The following GSE1 variants were observed in gnomAD, a reference collection of about 807,000 sequenced individuals.
GSE1 encodes the protein Gse1 coiled-coil protein.
GSE1 carries 32 observed loss-of-function variants against 112.6 expected under a neutral mutation model. The observed-to-expected ratio is 0.28, with a 90% CI of 0.21 to 0.38. The LOEUF (loss-of-function observed/expected upper bound fraction) is 0.38, where lower values mean the gene tolerates loss of function less well. Ranked by LOEUF, GSE1 falls within the 10% of genes least tolerant of loss-of-function variation. GSE1 has a pLI of 1.00. For missense variants in GSE1, 2,348 were observed against 1,699.2 expected (o/e 1.38, Z -6.71); for synonymous variants, 1,115 against 735.6 (o/e 1.52, Z -8.35).
chr16:85,611,522 G>A (rs1033364524), upstream of GSE1: 57 of 977,794 alleles, frequency 5.8e-5, no homozygotes, highest in Non-Finnish European at 6.6e-5. Flanking sequence ...GGGCCGGCCA[G>A]CGTCCGCAGG....
chr16:85,527,902 A>C (rs748190427), intron 2 of GSE1, among the ~76,000 whole-genome samples: 13 of 152,252 alleles, frequency 8.5e-5, no homozygotes, highest in African/African-American at 1.2e-4. Context: ...TAAAGGACGC[A>C]TAGGAGTTTG....
At chr16:85,443,824 C>T (rs1180026442) in intron 2 of GSE1, among the ~76,000 whole-genome samples, 2 of 152,094 alleles carry the variant, frequency 1.3e-5, no homozygotes, top group African/African-American at 2.4e-5. Flanking sequence ...CCCAGCCTCT[C>T]GGAGCTTCAG....
intron 1 of GSE1, among the ~76,000 whole-genome samples, chr16:85,316,076 C>G (rs767653633): frequency 6.6e-6 from 1 of 152,350 alleles, no homozygotes; most frequent in African/African-American, 2.4e-5. Flanking sequence ...GCCATCTGGC[C>G]TGACTGCTGT....
intron 2 of GSE1, among the ~76,000 whole-genome samples, chr16:85,482,993 A>C (rs6564123): frequency 0.61 from 91,351 of 150,624 alleles, 28,105 homozygotes; most frequent in African/African-American, 0.63. Context: ...AAAAAAAAAA[A>C]AAAATACCAA....
intron 1 of GSE1, among the ~76,000 whole-genome samples, chr16:85,333,322 G>A (rs1467013348): frequency 6.6e-6 from 1 of 152,154 alleles, no homozygotes; most frequent in East Asian, 1.9e-4. Flanking sequence ...CTTACTGAGA[G>A]GGCAAAATCC....
intron 2 of GSE1, among the ~76,000 whole-genome samples, chr16:85,411,013 GC>G (rs1459529510): frequency 1.6e-5 from 1 of 62,850 alleles, no homozygotes; most frequent in Non-Finnish European, 2.7e-5. Context: ...TACACTCAGA[GC>G]CCCCCTGGAT....
At chr16:85,171,043 G>C (rs914510709) in exon 1 of GSE1, 5 of 985,782 alleles carry the variant, frequency 5.1e-6, no homozygotes, top group Non-Finnish European at 6.0e-6. Context: ...CGCCAGGAGC[G>C]CCATGCATTT....
intron 1 of GSE1, among the ~76,000 whole-genome samples, chr16:85,239,975 G>C (rs1032442765): frequency 6.6e-6 from 1 of 152,262 alleles, no homozygotes; most frequent in African/African-American, 2.4e-5. Flanking sequence ...ACATTGAACT[G>C]TGTGCGCTTC....
At chr16:85,243,672 C>T (rs1460020797) in intron 1 of GSE1, among the ~76,000 whole-genome samples, 4 of 152,128 alleles carry the variant, frequency 2.6e-5, no homozygotes, top group South Asian at 2.1e-4. Flanking sequence ...TCTGGTGCGC[C>T]GTGGTTTGTC....
chr16:85,462,916 T>C (rs919128211), intron 2 of GSE1, among the ~76,000 whole-genome samples: 5 of 150,940 alleles, frequency 3.3e-5, no homozygotes, highest in African/African-American at 4.9e-5. Flanking sequence ...CCCCGGCTGC[T>C]CCGTGCCGCC....
At position 85,500,325 on chromosome 16, in the gene GSE1, G is replaced by A. The variant is rs571846326; in HGVS notation, c.2465-133589G>A. Among the ~76,000 whole-genome samples, 9 of 152,312 alleles carry A rather than the reference G, an allele frequency of 5.9e-5. No individual in the cohort carries two copies. The East Asian group carries it at 1.4e-3, about 23-fold the overall frequency. Reference sequence around the variant, plus strand: ...GTGATAAACAGATCTTTGCATCCTGGTGCTGGCTAATTTGTTTTCAATAGG... The same window carrying A: ...GTGATAAACAGATCTTTGCATCCTGATGCTGGCTAATTTGTTTTCAATAGG... On this transcript the variant is annotated intron_variant, in intron 2 of 2. Coordinates refer to the GSE1 transcript ENST00000637419.
intron 1 of GSE1, among the ~76,000 whole-genome samples, chr16:85,247,142 C>T (rs1474961460): frequency 1.3e-5 from 2 of 152,092 alleles, no homozygotes; most frequent in Non-Finnish European, 2.9e-5. Context: ...CTGTTTCCAC[C>T]CAGGCTCTCA....
intron 2 of GSE1, among the ~76,000 whole-genome samples, chr16:85,498,580 CAT>C (rs1054678948): frequency 3.9e-5 from 6 of 152,062 alleles, no homozygotes; most frequent in African/African-American, 1.2e-4. Flanking sequence ...GCATACCTTA[CAT>C]ATATATAAAC....
intron 1 of GSE1, among the ~76,000 whole-genome samples, chr16:85,227,098 T>G (rs761604867): frequency 1.3e-5 from 2 of 150,332 alleles, no homozygotes; most frequent in African/African-American, 2.5e-5. Flanking sequence ...TCAGTCCTTC[T>G]TTTCATCCAT....
intron 1 of GSE1, among the ~76,000 whole-genome samples, chr16:85,172,826 G>A (rs752663634): frequency 6.6e-6 from 1 of 152,244 alleles, no homozygotes; most frequent in Non-Finnish European, 1.5e-5. Context: ...CCACCTGCAC[G>A]TGTGGGGCAC....
intron 2 of GSE1, among the ~76,000 whole-genome samples, chr16:85,363,679 A>G (rs189672840): frequency 3.0e-4 from 46 of 152,270 alleles, no homozygotes; most frequent in Non-Finnish European, 5.9e-4. Flanking sequence ...TGATTTTCCC[A>G]TGCTGTGCCT....
chr16:85,352,106 T>A (rs74031795), intron 1 of GSE1, among the ~76,000 whole-genome samples: 9,683 of 152,210 alleles, frequency 0.064, 975 homozygotes, highest in African/African-American at 0.21. Context: ...TGCATGCACA[T>A]ACACACATAC....
Position 85,469,832 on chromosome 16 carries a change from C to A in GSE1, c.2464+112189C>A, listed in dbSNP as rs192171498. Among the ~76,000 whole-genome samples, 218 of 152,366 alleles carry A rather than the reference C, an allele frequency of 1.4e-3. 3 individuals carry two copies. The highest frequency in any genetic ancestry group is 4.8e-3 in the African/African-American group (201 of 41,600). On this transcript the variant is annotated intron_variant, in intron 2 of 2. Coordinates refer to the GSE1 transcript ENST00000637419. ...TCCCCAGCAGCTGCTGAAGCGGGTC[C>A]CCTAACCTCAGAGGATTAGGGACAC...
At chr16:85,194,480 G>A (rs186425183) in intron 1 of GSE1, among the ~76,000 whole-genome samples, 6 of 151,924 alleles carry the variant, frequency 3.9e-5, no homozygotes, top group Admixed American at 3.9e-4. Context: ...ATTCAGACTG[G>A]TTACCAGGGA....
Sources: allele counts gnomAD v4.1 joint callset (sites outside exome capture counted in the v4.1 genomes callset), GRCh38; gene constraint gnomAD v4.1.1; transcripts MANE v1.5; gene names NCBI Gene and HGNC (gene_info 2026-07-23, HGNC 2026-07-21).